Variants in EVL observed in about 807,000 individuals in gnomAD.
EVL encodes the protein Enah/Vasp-like, also known as ena/VASP-like protein.
A neutral mutation model predicts 59.6 loss-of-function variants in EVL; 21 were observed. The ratio of observed to expected loss-of-function variants is 0.35; its 90% confidence interval spans 0.25 to 0.51. The LOEUF (loss-of-function observed/expected upper bound fraction) is 0.51, where lower values mean the gene tolerates loss of function less well. Ranked by LOEUF, EVL falls within the 20% of genes least tolerant of loss-of-function variation. The pLI is 0.97. For synonymous variants in EVL, 198 were observed against 203.5 expected (o/e 0.97, Z 0.23); for missense variants, 462 against 546.6 (o/e 0.85, Z 1.54).
rs777614006 is a variant in EVL at position 100,129,545 on chromosome 14, G to C, written c.718-18G>C. On this transcript the variant is annotated intron_variant, in intron 6 of 13. Coordinates refer to ENST00000392920, the MANE Select transcript of EVL (RefSeq NM_016337.3). ...CCATCAGCAGCAGAATCTAAAACGC[G>C]GCCTCCTTTTTCCTCAGCCAGAAGA... is the stretch of plus-strand genomic sequence containing the variant. 1.4e-5 allele frequency: 23 copies of C among 1,612,856 alleles called. No individual in the cohort carries two copies. The highest frequency in any genetic ancestry group is 1.9e-5 in the Non-Finnish European group (22 of 1,179,572).
chr14:100,044,392 C>A lies in EVL; in HGVS notation c.6-40295C>A, dbSNP rs115859798. ...TTTCTTATACAGAGATTTTGGCTTA[C>A]ATATACATACAATAACAACGAGAAC... On this transcript the variant is annotated intron_variant, in intron 1 of 13. Coordinates refer to the EVL transcript ENST00000402714. Among the ~76,000 whole-genome samples the A allele has an allele frequency of 6.8e-3, 1,030 of 152,320 alleles. 8 individuals carry two copies. The highest frequency in any genetic ancestry group is 0.024 in the African/African-American group (982 of 41,570).
intron 2 of EVL, among the ~76,000 whole-genome samples, chr14:100,092,703 C>G (rs556769422): frequency 1.3e-5 from 2 of 152,098 alleles, no homozygotes; most frequent in African/African-American, 4.8e-5. Context: ...CCATTACACT[C>G]CAGCCTGGGT....
At chr14:100,077,126 GTC>G (rs953561629) in intron 1 of EVL, among the ~76,000 whole-genome samples, 1 of 152,180 alleles carries the variant, frequency 6.6e-6, no homozygotes, top group African/African-American at 2.4e-5. Context: ...TTTGAGGAAG[GTC>G]TCTCTGGTGA....
intron 1 of EVL, among the ~76,000 whole-genome samples, chr14:100,054,229 A>G (rs368792002): frequency 4.0e-5 from 6 of 151,266 alleles, no homozygotes; most frequent in African/African-American, 9.7e-5. Context: ...TAATTTTTGT[A>G]TTTTTAGCAG....
chr14:100,059,040 G>T (rs2061778665), intron 1 of EVL, among the ~76,000 whole-genome samples: 1 of 152,134 alleles, frequency 6.6e-6, no homozygotes, highest in Non-Finnish European at 1.5e-5. Flanking sequence ...TTCAGAAAAT[G>T]AAAAAGAATA....
intron 3 of EVL, 158 bp downstream of exon 3, chr14:100,097,816 G>A (rs995667853): frequency 9.9e-6 from 6 of 605,432 alleles, no homozygotes; most frequent in Non-Finnish European, 1.4e-5. Flanking sequence ...TTTAGATTTA[G>A]AGATATTAAC....
chr14:100,143,705 C>G lies in EVL; in HGVS notation c.1224C>G (p.Ile408Met), dbSNP rs1374807244. The change falls in exon 14 of 14, where the codon ATC (isoleucine) becomes ATG (methionine). Residue 408 changes from isoleucine (I) to methionine (M), a missense_variant. Transcript: ENST00000392920. Reference sequence around the variant, plus strand: ...CCGCCGCCACCTGTCCCGCAGCCATCAGGCAGGAGCTGAGTGGGATCAGCA... The same window carrying G: ...CCGCCGCCACCTGTCCCGCAGCCATGAGGCAGGAGCTGAGTGGGATCAGCA... ...HKVKEEIIDA[I>M]RQELSGISTT 1.2e-6 allele frequency: 2 copies of G among 1,612,196 alleles called. No individual in the cohort carries two copies. The highest frequency in any genetic ancestry group is 1.7e-6 in the Non-Finnish European group (2 of 1,179,902).
chr14:100,129,213 A>G (rs766671102), intron 6 of EVL, among the ~76,000 whole-genome samples: 11 of 152,150 alleles, frequency 7.2e-5, no homozygotes, highest in Non-Finnish European at 8.8e-5. Flanking sequence ...TAGCTCTAAT[A>G]CAGACCTTTG....
chr14:100,015,035 G>T (rs1328898889), intron 1 of EVL, among the ~76,000 whole-genome samples: 1 of 152,130 alleles, frequency 6.6e-6, no homozygotes, highest in Non-Finnish European at 1.5e-5. Flanking sequence ...TTTTTTACTT[G>T]ATTGGCACAT....
At chr14:100,035,441 A>G (rs1467802729) in intron 1 of EVL, among the ~76,000 whole-genome samples, 1 of 149,222 alleles carries the variant, frequency 6.7e-6, no homozygotes, top group Non-Finnish European at 1.5e-5. Context: ...CTATTGATGT[A>G]GTTACTCTTA....
At chr14:99,975,746 C>T (rs1260634866) in intron 1 of EVL, among the ~76,000 whole-genome samples, 2 of 152,212 alleles carry the variant, frequency 1.3e-5, no homozygotes, top group African/African-American at 4.8e-5. Context: ...TCATCTGCCA[C>T]TCACCTCCTG....
At chr14:100,000,135 C>T (rs1216559709) in intron 1 of EVL, among the ~76,000 whole-genome samples, 17 of 152,184 alleles carry the variant, frequency 1.1e-4, no homozygotes, top group East Asian at 1.9e-4. Flanking sequence ...GTTGAGGACA[C>T]GTGTCCATCA....
In EVL at chr14:100,124,585, C is replaced by T. The variant is rs534559313; in HGVS notation, c.422+983C>T. Among the ~76,000 whole-genome samples the T allele has an allele frequency of 1.3e-4, 20 of 152,292 alleles. No individual in the cohort carries two copies. The South Asian group carries it at 3.9e-3, about 30-fold the overall frequency. On this transcript the variant is annotated intron_variant, in intron 4 of 13. Coordinates refer to ENST00000392920, the MANE Select transcript of EVL (RefSeq NM_016337.3). ...AAGCCGAGAATGGAAGTGACTTGCC[C>T]AGAGTAACCAGAGAGTCAGGCAGAA...
intron 1 of EVL, among the ~76,000 whole-genome samples, chr14:100,067,999 C>T (rs192271497): frequency 1.9e-4 from 29 of 152,266 alleles, no homozygotes; most frequent in African/African-American, 6.3e-4. Flanking sequence ...AGTCACCCAG[C>T]GGCTGCTCTG....
intron 1 of EVL, among the ~76,000 whole-genome samples, chr14:100,073,760 A>G (rs2062099524): frequency 6.6e-6 from 1 of 152,242 alleles, no homozygotes; most frequent in East Asian, 1.9e-4. Context: ...CAGCAAACAT[A>G]AAAGCCAGCA....
chr14:100,072,499 T>TG (rs1362369024), intron 1 of EVL, among the ~76,000 whole-genome samples: 2 of 152,266 alleles, frequency 1.3e-5, no homozygotes, highest in African/African-American at 4.8e-5. Flanking sequence ...CCTCCCAAAG[T>TG]GCTGGGATTA....
intron 1 of EVL, among the ~76,000 whole-genome samples, chr14:100,048,508 TC>T (rs2061592728): frequency 6.6e-6 from 1 of 152,192 alleles, no homozygotes; most frequent in Non-Finnish European, 1.5e-5. Context: ...GCAGCAACTC[TC>T]CTACACTGCC....
intron 1 of EVL, among the ~76,000 whole-genome samples, chr14:100,057,619 G>A (rs978835888): frequency 6.6e-6 from 1 of 152,136 alleles, no homozygotes; most frequent in Non-Finnish European, 1.5e-5. Flanking sequence ...GAACTGAACT[G>A]TGAGTGAACT....
At chr14:99,971,645 C>T (rs2140162821) in exon 1 of EVL, 1 of 150,864 alleles carries the variant, frequency 6.6e-6, no homozygotes, top group Middle Eastern at 3.5e-3. Context: ...CTCGAGGACT[C>T]GGAGCCGCCC....
Sources: gnomAD v4.1 joint callset for allele counts (sites outside exome capture counted in the v4.1 genomes callset) on GRCh38, gnomAD v4.1.1 for gene constraint, MANE v1.5 for transcripts, NCBI Gene and HGNC (gene_info 2026-07-23, HGNC 2026-07-21) for gene names.